TRIM5: variants seen among roughly 807,000 people sequenced by gnomAD.
TRIM5 encodes the protein tripartite motif containing 5.
In TRIM5, 31 loss-of-function variants were observed where a neutral mutation model predicts 35.6. That is an observed-to-expected ratio of 0.87 (90% CI 0.65 to 1.18). The LOEUF is 1.18. TRIM5 is among the 50% of genes most tolerant of loss of function. TRIM5 has a pLI of 0.00. For missense variants in TRIM5, 609 were observed against 591.6 expected (o/e 1.03, Z -0.31); for synonymous variants, 243 against 215.6 (o/e 1.13, Z -1.11).
At position 5,664,308 on chromosome 11, in the gene TRIM5, G is replaced by C. The variant is rs2134013296; in HGVS notation, c.*501C>G. 1 of 986,222 alleles carries C rather than the reference G, an allele frequency of 1.0e-6. No individual in the cohort carries two copies. Among genetic ancestry groups the C allele is most frequent in the Non-Finnish European group, 1.2e-6 (1 of 830,592 alleles). The allele number at this position is 986,222 out of a possible 1,614,324, so 61.1% of individuals were successfully genotyped here. On this transcript the variant is annotated 3_prime_UTR_variant, in exon 8 of 8. Transcript: ENST00000380034. ...TATATGGAGAGACAGGAGTTGAACTGAGATCCTCTAGATACAAAACCTCTA... is the reference window on the plus strand; with the variant it reads ...TATATGGAGAGACAGGAGTTGAACTCAGATCCTCTAGATACAAAACCTCTA...
the TRIM5 span, among the ~76,000 whole-genome samples, chr11:5,592,914 CAAA>C: frequency 1.5e-5 from 1 of 67,228 alleles, no homozygotes. Flanking sequence ...GAGATTGTCT[CAAA>C]AAAAAAAAAA....
chr11:5,668,294 A>C (rs980507396), intron 4 of TRIM5, among the ~76,000 whole-genome samples: 1 of 148,496 alleles, frequency 6.7e-6, no homozygotes, highest in Non-Finnish European at 1.5e-5. Flanking sequence ...AGAAAATCAC[A>C]AAAATAAACA....
the TRIM5 span, chr11:5,632,490 AAGC>A: frequency 6.2e-7 from 1 of 1,613,954 alleles, no homozygotes; most frequent in Non-Finnish European, 8.5e-7. Context: ...TGGGAGGAAA[AAGC>A]AGCTGTCCTG....
chr11:5,605,191 A>G, the TRIM5 span: 5 of 1,087,180 alleles, frequency 4.6e-6, no homozygotes, highest in African/African-American at 6.2e-5. Context: ...ACAGGCTACA[A>G]AGGCTTTCTC....
At chr11:5,599,261 C>G in the TRIM5 span, among the ~76,000 whole-genome samples, 1 of 152,090 alleles carries the variant, frequency 6.6e-6, no homozygotes, top group African/African-American at 2.4e-5. Context: ...CAGTAGTTCT[C>G]CTTCAAGAGA....
At chr11:5,634,703 G>T in the TRIM5 span, 2 of 1,614,048 alleles carry the variant, frequency 1.2e-6, no homozygotes, top group Non-Finnish European at 8.5e-7. Context: ...AAATAATGAG[G>T]AGCAGAGAGA....
chr11:5,644,506 A>T, the TRIM5 span: 3 of 365,100 alleles, frequency 8.2e-6, no homozygotes, highest in African/African-American at 6.3e-5. Context: ...CACTGTTAAG[A>T]CCACTCCAAT....
chr11:5,621,909 C>G, the TRIM5 span, among the ~76,000 whole-genome samples: 55 of 152,096 alleles, frequency 3.6e-4, no homozygotes, highest in African/African-American at 1.3e-3. Flanking sequence ...TGTCTCATGT[C>G]TCTCTAAAAT....
At chr11:5,661,733 C>A (rs1469090202), downstream of TRIM5, among the ~76,000 whole-genome samples, 2 of 152,158 alleles carry the variant, frequency 1.3e-5, no homozygotes, top group Non-Finnish European at 2.9e-5. Context: ...AGGTTGCCTT[C>A]TTCAGCCTTT....
chr11:5,679,750 C>T lies in TRIM5; in HGVS notation c.417+11G>A. ...TTTCTGCCCTCTCTTCCTTCCATCC[C>T]AGTCTCTTACTTGGTACTCCCGGGC... On this transcript the variant is annotated intron_variant, in intron 2 of 7. Transcript: ENST00000380034. 2.6e-6 allele frequency: 4 copies of T among 1,559,630 alleles called. No homozygotes were observed. The highest frequency in any genetic ancestry group is 3.5e-6 in the Non-Finnish European group (4 of 1,151,236).
the TRIM5 span, among the ~76,000 whole-genome samples, chr11:5,627,206 ACT>A: frequency 6.6e-6 from 1 of 151,604 alleles, no homozygotes; most frequent in Non-Finnish European, 1.5e-5. Context: ...ACATGGTGAA[ACT>A]CTCTCTACTA....
the TRIM5 span, chr11:5,632,446 A>G: frequency 1.2e-6 from 2 of 1,613,974 alleles, no homozygotes; most frequent in African/African-American, 2.7e-5. Flanking sequence ...CCGAGCCTGC[A>G]TCACTGTGAG....
intron 1 of TRIM5, among the ~76,000 whole-genome samples, chr11:5,681,694 A>G (rs1048804608): frequency 2.3e-5 from 3 of 128,894 alleles, no homozygotes; most frequent in East Asian, 5.4e-4. Context: ...TTCCTTCGTT[A>G]TCTTGTCATG....
chr11:5,596,686 G>C, the TRIM5 span: 1 of 695,030 alleles, frequency 1.4e-6, no homozygotes, highest in Non-Finnish European at 2.4e-6. Flanking sequence ...CTGTGGGTCC[G>C]TCCGTTCAAC....
chr11:5,634,994 A>C, the TRIM5 span: 3 of 833,568 alleles, frequency 3.6e-6, no homozygotes, highest in East Asian at 2.8e-5. Context: ...TCTAGATGTC[A>C]TGGACATGAA....
chr11:5,620,097 CTT>C, the TRIM5 span: 3 of 147,010 alleles, frequency 2.0e-5, no homozygotes, highest in African/African-American at 7.5e-5. Context: ...TTTCCTGTGA[CTT>C]TATCTGATGA....
In TRIM5 at chr11:5,667,700, G is replaced by A. The variant is rs768710240; in HGVS notation, c.756C>T (p.Gly252=). 1.7e-5 allele frequency: 27 copies of A among 1,613,174 alleles called. No individual in the cohort carries two copies. Among genetic ancestry groups the A allele is most frequent in the Admixed American group, 8.3e-5 (5 of 59,882 alleles). Residue 252 remains glycine, a synonymous_variant, in exon 5 of 8, where the codon GGC becomes GGT. Coordinates refer to ENST00000380034, the MANE Select transcript of TRIM5 (RefSeq NM_033034.3). ...SVMELLQGVD[G]VIKRTENVTL... ...CCTCCCACACATACCTTTTTATGAC[G>A]CCATCCACACCCTAGGAAGAAGAGA... is the stretch of plus-strand genomic sequence containing the variant.
Position 5,663,658 on chromosome 11 carries a change from T to C in TRIM5, c.*1151A>G. ...GCTTTTAATTGACAAATAATAAATA[T>C]ACATATTTATGTGGTACAGTGTGAT... is the stretch of plus-strand genomic sequence containing the variant. On this transcript the variant is annotated 3_prime_UTR_variant, in exon 8 of 8. Transcript: ENST00000380034. 2 of 779,978 alleles carry C rather than the reference T, an allele frequency of 2.6e-6. No homozygotes were observed. Among genetic ancestry groups the C allele is most frequent in the Non-Finnish European group, 3.1e-6 (2 of 642,486 alleles). 48.3% of individuals were successfully genotyped at this position (779,978 alleles called of 1,614,324 possible).
At chr11:5,657,807 A>T in the TRIM5 span, among the ~76,000 whole-genome samples, 1 of 149,068 alleles carries the variant, frequency 6.7e-6, no homozygotes, top group African/African-American at 2.5e-5. Context: ...GTAGAGACAG[A>T]GTTTCACCAT....
Sources: allele counts gnomAD v4.1 joint callset (sites outside exome capture counted in the v4.1 genomes callset), GRCh38; gene constraint gnomAD v4.1.1; transcripts MANE v1.5; gene names NCBI Gene and HGNC (gene_info 2026-07-23, HGNC 2026-07-21).